Variants in PRELID2 observed in about 807,000 individuals in gnomAD.
PRELID2 encodes PRELI domain containing 2.
In PRELID2, 25 loss-of-function variants were observed where a neutral mutation model predicts 28.4. That is an observed-to-expected ratio of 0.88 (90% confidence interval 0.64 to 1.23). PRELID2 has a LOEUF of 1.23. Ranked by LOEUF, PRELID2 falls within the 50% of genes most tolerant of loss-of-function variation. The probability of loss-of-function intolerance (pLI) is 0.00; values close to 1 mark genes in which losing one functional copy is unlikely to be tolerated. For missense variants in PRELID2, 201 were observed against 214.4 expected, an observed-to-expected ratio of 0.94 and a Z score of 0.39; for synonymous variants, 76 against 71.6, an observed-to-expected ratio of 1.06 and a Z score of -0.31.
the PRELID2 span, among the ~76,000 whole-genome samples, chr5:145,407,939 A>G: frequency 6.6e-6 from 1 of 152,126 alleles, no homozygotes; most frequent in East Asian, 1.9e-4. Flanking sequence ...GTGAGTATCC[A>G]TGGCTGAAAG....
At chr5:145,294,560 G>T in the PRELID2 span, among the ~76,000 whole-genome samples, 28 of 152,156 alleles carry the variant, frequency 1.8e-4, no homozygotes, top group East Asian at 4.8e-3. Context: ...AACAATAAGG[G>T]CTGTGTTTCC....
the PRELID2 span, among the ~76,000 whole-genome samples, chr5:145,371,295 C>T: frequency 6.6e-6 from 1 of 151,996 alleles, no homozygotes; most frequent in African/African-American, 2.4e-5. Flanking sequence ...TCCATTAATA[C>T]CTAGTTTATT....
chr5:145,624,800 C>G lies in PRELID2; in HGVS notation n.70+140131G>C, dbSNP rs199673117. Among the ~76,000 whole-genome samples, 4 of 152,082 alleles carry G rather than the reference C, an allele frequency of 2.6e-5. 1 individual carries two copies. The highest frequency in any genetic ancestry group is 2.6e-4 in the Admixed American group (4 of 15,254). On this transcript the variant is annotated intron_variant and non_coding_transcript_variant, in intron 1 of 2. Coordinates refer to the PRELID2 transcript ENST00000510259. Reference sequence around the variant, plus strand: ...AGACCCCAGAAAGAATGTGAAGCATCAAGCCACAAACTAAGAAATTTGCAA... The same window carrying G: ...AGACCCCAGAAAGAATGTGAAGCATGAAGCCACAAACTAAGAAATTTGCAA...
At chr5:145,414,000 A>G in the PRELID2 span, among the ~76,000 whole-genome samples, 1 of 152,204 alleles carries the variant, frequency 6.6e-6, no homozygotes, top group Non-Finnish European at 1.5e-5. Context: ...CTAAAAAGTA[A>G]TTGCTCTAAG....
intron 5 of PRELID2, among the ~76,000 whole-genome samples, chr5:145,780,443 C>T (rs1266761562): frequency 6.6e-6 from 1 of 152,168 alleles, no homozygotes; most frequent in Non-Finnish European, 1.5e-5. Flanking sequence ...ACATGAGACA[C>T]AGAAAATTAA....
chr5:145,468,963 T>A (rs191612226), downstream of PRELID2, among the ~76,000 whole-genome samples: 3 of 152,290 alleles, frequency 2.0e-5, no homozygotes, highest in East Asian at 5.8e-4. Context: ...TCATTGCTTC[T>A]GGTGTTTTAG....
the PRELID2 span, among the ~76,000 whole-genome samples, chr5:145,364,458 T>G: frequency 6.6e-6 from 1 of 152,044 alleles, no homozygotes; most frequent in Non-Finnish European, 1.5e-5. Flanking sequence ...CCTGCTTTAT[T>G]GTCCTGTTCC....
the PRELID2 span, among the ~76,000 whole-genome samples, chr5:145,365,824 C>T: frequency 4.0e-4 from 60 of 151,798 alleles, no homozygotes; most frequent in South Asian, 0.013. Context: ...TTTCTGGAGC[C>T]CCTAAAAATC....
At chr5:145,559,815 AT>A (rs1410866503) in intron 1 of PRELID2, among the ~76,000 whole-genome samples, 2 of 136,590 alleles carry the variant, frequency 1.5e-5, no homozygotes, top group African/African-American at 5.3e-5. Context: ...TACTGAATAT[AT>A]TTTCCTTGGT....
intron 1 of PRELID2, among the ~76,000 whole-genome samples, chr5:145,675,403 G>A (rs1754794555): frequency 6.6e-6 from 1 of 152,152 alleles, no homozygotes; most frequent in African/African-American, 2.4e-5. Context: ...GGCAAGGTTG[G>A]AGGAAACATT....
intron 1 of PRELID2, among the ~76,000 whole-genome samples, chr5:145,670,659 C>T (rs1028339493): frequency 6.6e-6 from 1 of 152,144 alleles, no homozygotes; most frequent in African/African-American, 2.4e-5. Context: ...TTCATTCTCC[C>T]TCTCCACTTC....
the PRELID2 span, among the ~76,000 whole-genome samples, chr5:145,378,459 A>G: frequency 6.6e-6 from 1 of 152,034 alleles, no homozygotes; most frequent in East Asian, 1.9e-4. Flanking sequence ...ATAATCCCAC[A>G]TTTCTCAGAG....
intron 1 of PRELID2, among the ~76,000 whole-genome samples, chr5:145,666,659 C>T (rs999313998): frequency 5.3e-5 from 8 of 152,042 alleles, no homozygotes; most frequent in Non-Finnish European, 4.4e-5. Context: ...TGTGTAGTAA[C>T]TCCATTTAGT....
the PRELID2 span, among the ~76,000 whole-genome samples, chr5:145,316,526 A>G: frequency 5.3e-5 from 8 of 152,318 alleles, no homozygotes; most frequent in African/African-American, 9.6e-5. Context: ...CCAATGTGAA[A>G]GAGAATAGAA....
chr5:145,653,083 A>G (rs7722597), intron 1 of PRELID2, among the ~76,000 whole-genome samples: 12,989 of 151,986 alleles, frequency 0.085, 779 homozygotes, highest in Admixed American at 0.19. Flanking sequence ...AAAACAAAAA[A>G]AGGCAGGGGT....
At chr5:145,660,369 G>A (rs528094043) in intron 1 of PRELID2, among the ~76,000 whole-genome samples, 39 of 152,240 alleles carry the variant, frequency 2.6e-4, no homozygotes, top group Non-Finnish European at 5.1e-4. Context: ...CCCAAGGCAG[G>A]ACCACACTAC....
At chr5:145,512,153 G>C (rs1027194767) in intron 1 of PRELID2, among the ~76,000 whole-genome samples, 1 of 152,102 alleles carries the variant, frequency 6.6e-6, no homozygotes, top group South Asian at 2.1e-4. Context: ...GAAGAAGGTG[G>C]TGGCTGGCAA....
At chr5:145,744,779 T>C (rs1227243266) in intron 1 of PRELID2, among the ~76,000 whole-genome samples, 1 of 151,464 alleles carries the variant, frequency 6.6e-6, no homozygotes, top group African/African-American at 2.4e-5. Flanking sequence ...ACACCAAAAA[T>C]CCAAAAGGCC....
chr5:145,471,354 A>G (rs1277140771), downstream of PRELID2, among the ~76,000 whole-genome samples: 1 of 152,138 alleles, frequency 6.6e-6, no homozygotes, highest in African/African-American at 2.4e-5. Flanking sequence ...CAACTTCTGG[A>G]AATTAGCTGG....
Sources: gnomAD v4.1 joint callset for allele counts (sites outside exome capture counted in the v4.1 genomes callset) on GRCh38, gnomAD v4.1.1 for gene constraint, MANE v1.5 for transcripts, NCBI Gene and HGNC (gene_info 2026-07-23, HGNC 2026-07-21) for gene names.